Variants in PEBP4 observed in about 807,000 individuals in gnomAD.
PEBP4 encodes phosphatidylethanolamine-binding protein 4.
PEBP4 carries 22 observed loss-of-function variants against 23.9 expected under a neutral mutation model. The observed-to-expected ratio is 0.92, with a 90% CI of 0.66 to 1.31. PEBP4 has a LOEUF of 1.31. PEBP4 is among the 40% of genes most tolerant of loss of function. The pLI, the probability that PEBP4 is intolerant of heterozygous loss-of-function variation, is 0.00. For missense variants in PEBP4, 324 were observed against 281.7 expected, an observed-to-expected ratio of 1.15 and a Z score of -1.07; for synonymous variants, 112 against 99.3, an observed-to-expected ratio of 1.13 and a Z score of -0.76.
At position 22,792,957 on chromosome 8, in the gene PEBP4, A is replaced by G. The variant is rs151298176; in HGVS notation, c.357+24680T>C. ...TTATATTCCCCACCATGATTGTAATAATCAAATTATCTTGCCCAGCAATTT... is the reference window on the plus strand; with the variant it reads ...TTATATTCCCCACCATGATTGTAATGATCAAATTATCTTGCCCAGCAATTT... On this transcript the variant is annotated intron_variant, in intron 4 of 6. Transcript: ENST00000256404. Among the ~76,000 whole-genome samples, 379 of 152,368 alleles carry G rather than the reference A, an allele frequency of 2.5e-3. 4 individuals are homozygous for G. Among genetic ancestry groups the G allele is most frequent in the African/African-American group, 8.7e-3 (362 of 41,590 alleles).
intron 3 of PEBP4, among the ~76,000 whole-genome samples, chr8:22,882,180 A>G (rs1176200575): frequency 6.6e-6 from 1 of 152,166 alleles, no homozygotes; most frequent in Non-Finnish European, 1.5e-5. Flanking sequence ...ACTGGGATCC[A>G]TCCTATCACT....
intron 3 of PEBP4, among the ~76,000 whole-genome samples, chr8:22,864,391 G>A (rs1807842429): frequency 6.6e-6 from 1 of 152,178 alleles, no homozygotes; most frequent in Admixed American, 6.5e-5. Context: ...GCTCTTTGAG[G>A]ACAGGGACTG....
chr8:22,766,833 G>A (rs1333158195), intron 4 of PEBP4, among the ~76,000 whole-genome samples: 3 of 152,204 alleles, frequency 2.0e-5, no homozygotes, highest in Non-Finnish European at 4.4e-5. Flanking sequence ...GTCCACCCAG[G>A]TGGGTCACAG....
intron 3 of PEBP4, among the ~76,000 whole-genome samples, chr8:22,856,785 A>G (rs948356945): frequency 6.6e-6 from 1 of 152,084 alleles, no homozygotes; most frequent in Non-Finnish European, 1.5e-5. Flanking sequence ...CCTTTGATCT[A>G]TTAGTTCCTC....
At chr8:22,927,754 C>T in intron 1 of PEBP4, 34 bp from the exon 2 acceptor site, 1 of 1,612,078 alleles carries the variant, frequency 6.2e-7, no homozygotes, top group South Asian at 1.1e-5. Context: ...CGGCTGGATC[C>T]CCTGCAGGGG....
chr8:22,739,915 G>T (rs74341292), intron 4 of PEBP4, among the ~76,000 whole-genome samples: 101 of 152,310 alleles, frequency 6.6e-4, no homozygotes, highest in African/African-American at 1.8e-3. Context: ...TGGAGGGGGA[G>T]GGGGTGCCCA....
intron 3 of PEBP4, among the ~76,000 whole-genome samples, chr8:22,863,052 G>A (rs1484045899): frequency 1.3e-4 from 19 of 151,980 alleles, no homozygotes; most frequent in African/African-American, 2.7e-4. Flanking sequence ...TGCCTGCCTC[G>A]GCCTCCCAAA....
At chr8:22,908,863 T>G (rs1808873356) in intron 3 of PEBP4, among the ~76,000 whole-genome samples, 1 of 152,136 alleles carries the variant, frequency 6.6e-6, no homozygotes, top group Non-Finnish European at 1.5e-5. Context: ...CAAATGACCA[T>G]CCCACCCAGG....
intron 3 of PEBP4, among the ~76,000 whole-genome samples, chr8:22,898,054 A>C (rs1808625402): frequency 1.3e-5 from 2 of 152,148 alleles, no homozygotes; most frequent in Admixed American, 1.3e-4. Flanking sequence ...TGATCTCATA[A>C]TTCCAGCTTC....
intron 6 of PEBP4, 106 bp downstream of exon 6, chr8:22,724,737 G>T (rs1244378170): frequency 2.5e-6 from 2 of 809,520 alleles, no homozygotes; most frequent in Non-Finnish European, 2.1e-6. Flanking sequence ...AGTCTCCAAG[G>T]CTCATGAGTG....
rs140008550 is a variant in PEBP4 at position 22,895,661 on chromosome 8, T to C, written c.258+24523A>G. The C allele has an allele frequency of 1.3e-3, 199 of 152,386 alleles. 1 individual carries two copies. Among genetic ancestry groups the C allele is most frequent in the African/African-American group, 4.5e-3 (186 of 41,586 alleles). The allele number at this position is 152,386 out of a possible 1,614,324, so 9.4% of individuals were successfully genotyped here. Reference sequence around the variant, plus strand: ...CTTAATGAGATCCCAACTATACATATGTTAGACCATTTTATGTTGTCTCAC... The same window carrying C: ...CTTAATGAGATCCCAACTATACATACGTTAGACCATTTTATGTTGTCTCAC... On this transcript the variant is annotated intron_variant, in intron 3 of 6. Coordinates refer to ENST00000256404, the MANE Select transcript of PEBP4 (RefSeq NM_144962.3).
intron 3 of PEBP4, among the ~76,000 whole-genome samples, chr8:22,906,678 G>T (rs1236841260): frequency 1.3e-5 from 2 of 152,176 alleles, no homozygotes; most frequent in East Asian, 3.9e-4. Context: ...CTGGAGTTTG[G>T]CATTGACAGG....
chr8:22,828,917 C>T (rs1029187002), intron 3 of PEBP4, among the ~76,000 whole-genome samples: 1 of 152,080 alleles, frequency 6.6e-6, no homozygotes, highest in African/African-American at 2.4e-5. Flanking sequence ...TGTCATCCCC[C>T]AAACGGCTCC....
At chr8:22,847,009 T>A (rs546893880) in intron 3 of PEBP4, among the ~76,000 whole-genome samples, 12 of 151,906 alleles carry the variant, frequency 7.9e-5, no homozygotes, top group Admixed American at 2.0e-4. Flanking sequence ...AAAAAATTTT[T>A]AAAAAATAAA....
intron 3 of PEBP4, among the ~76,000 whole-genome samples, chr8:22,860,761 T>C (rs978125021): frequency 1.3e-5 from 2 of 152,252 alleles, no homozygotes; most frequent in African/African-American, 4.8e-5. Context: ...ATCTGTTCCA[T>C]GCTAGGCAAC....
chr8:22,874,728 T>G (rs1480076026), intron 3 of PEBP4, among the ~76,000 whole-genome samples: 6 of 152,214 alleles, frequency 3.9e-5, no homozygotes, highest in Non-Finnish European at 8.8e-5. Context: ...CAGCTTTTCC[T>G]CCACTCCTAT....
intron 3 of PEBP4, among the ~76,000 whole-genome samples, chr8:22,819,594 T>C (rs1238430188): frequency 6.6e-6 from 1 of 151,746 alleles, no homozygotes; most frequent in Non-Finnish European, 1.5e-5. Context: ...GTCAAGATTG[T>C]TTTTGTTTTT....
At chr8:22,795,720 T>C (rs1456137423) in intron 4 of PEBP4, among the ~76,000 whole-genome samples, 3 of 152,246 alleles carry the variant, frequency 2.0e-5, no homozygotes, top group South Asian at 4.1e-4. Flanking sequence ...TTATGATGTA[T>C]CTCTCCAAAT....
chr8:22,921,879 G>A (rs1307594990), intron 2 of PEBP4, among the ~76,000 whole-genome samples: 2 of 152,232 alleles, frequency 1.3e-5, no homozygotes, highest in African/African-American at 4.8e-5. Context: ...GAGGCAGAGA[G>A]GGGACCCACC....
Sources: allele counts gnomAD v4.1 joint callset (sites outside exome capture counted in the v4.1 genomes callset), GRCh38; gene constraint gnomAD v4.1.1; transcripts MANE v1.5; gene names NCBI Gene and HGNC (gene_info 2026-07-23, HGNC 2026-07-21).